The following EPB41L1 variants were observed in gnomAD, a reference collection of about 807,000 sequenced individuals.
The protein encoded by EPB41L1 is erythrocyte membrane protein band 4.1 like 1, also known as band 4.1-like protein 1.
In EPB41L1, 29 loss-of-function variants were observed where a neutral mutation model predicts 97.8. That is an observed-to-expected ratio of 0.30 (90% CI 0.22 to 0.40). EPB41L1 has a LOEUF of 0.40. Among genes scored for constraint, EPB41L1 ranks in the 10% least tolerant of loss-of-function variants. The pLI, the probability that EPB41L1 is intolerant of heterozygous loss-of-function variation, is 1.00. For missense variants in EPB41L1, 812 were observed against 1,162.3 expected (o/e 0.70, Z 4.38); for synonymous variants, 383 against 459.2 (o/e 0.83, Z 2.12).
intron 1 of EPB41L1, 50 bp from the exon 2 acceptor site, chr20:36,173,714 A>T (rs1195918864): frequency 1.9e-6 from 3 of 1,560,412 alleles, no homozygotes; most frequent in Non-Finnish European, 2.7e-6. Context: ...TCTCGCTGTC[A>T]TACCATTGCT....
intron 9 of EPB41L1, among the ~76,000 whole-genome samples, chr20:36,189,893 C>G (rs1189254971): frequency 6.6e-6 from 1 of 152,150 alleles, no homozygotes; most frequent in African/African-American, 2.4e-5. Context: ...GTCGCAGATG[C>G]CTGAGAAGAG....
At chr20:36,115,895 TATA>T (rs1466000190) in intron 2 of EPB41L1, among the ~76,000 whole-genome samples, 3 of 151,944 alleles carry the variant, frequency 2.0e-5, no homozygotes, top group South Asian at 4.2e-4. Flanking sequence ...GTCTCAAAAA[TATA>T]ATAATAATAA....
chr20:36,113,051 G>T (rs1424572341), intron 2 of EPB41L1, among the ~76,000 whole-genome samples: 1 of 152,152 alleles, frequency 6.6e-6, no homozygotes, highest in Non-Finnish European at 1.5e-5. Context: ...ACAGCTAAAG[G>T]GGTTGCAGTG....
intron 21 of EPB41L1, among the ~76,000 whole-genome samples, chr20:36,223,130 T>A (rs1244585058): frequency 1.3e-5 from 2 of 152,250 alleles, no homozygotes; most frequent in Non-Finnish European, 2.9e-5. Flanking sequence ...TCCCCTGACC[T>A]CGGGTGATCT....
Position 36,173,969 on chromosome 20 carries a change from G to C in EPB41L1, c.177+15G>C. The stretch of plus-strand genomic sequence containing the variant: ...CTGCTGAACAGGTGTGTGCCCGAGA[G>C]CATGGGCGTACCTTTCCTGCCCAGA... On this transcript the variant is annotated intron_variant, in intron 2 of 21. Transcript: ENST00000338074. 1 of 1,606,824 alleles carries C rather than the reference G, an allele frequency of 6.2e-7. No individual in the cohort carries two copies. The highest frequency in any genetic ancestry group is 8.5e-7 in the Non-Finnish European group (1 of 1,176,640).
At chr20:36,141,492 A>G (rs1241944969) in intron 2 of EPB41L1, among the ~76,000 whole-genome samples, 1 of 152,232 alleles carries the variant, frequency 6.6e-6, no homozygotes, top group African/African-American at 2.4e-5. Flanking sequence ...GTGAAACTCC[A>G]GGGAACAACT....
At chr20:36,120,256 A>T (rs2058710166) in intron 2 of EPB41L1, among the ~76,000 whole-genome samples, 1 of 152,248 alleles carries the variant, frequency 6.6e-6, no homozygotes, top group South Asian at 2.1e-4. Flanking sequence ...TTGGCAGATC[A>T]GGAAACTGAG....
chr20:36,174,572 C>CTT (rs761888628), intron 2 of EPB41L1, among the ~76,000 whole-genome samples: 10 of 141,262 alleles, frequency 7.1e-5, no homozygotes, highest in South Asian at 2.3e-4. Context: ...CATGCCTGGC[C>CTT]TTTTTTTTTT....
intron 1 of EPB41L1, among the ~76,000 whole-genome samples, chr20:36,099,754 G>C (rs908684096): frequency 2.0e-5 from 3 of 152,186 alleles, no homozygotes; most frequent in African/African-American, 7.2e-5. Flanking sequence ...CAGCTGGTCA[G>C]TGGTAATTGG....
At chr20:36,189,799 A>T (rs972793991) in intron 9 of EPB41L1, among the ~76,000 whole-genome samples, 1 of 152,166 alleles carries the variant, frequency 6.6e-6, no homozygotes, top group Admixed American at 6.5e-5. Flanking sequence ...CTTGGTCTCC[A>T]TGTATCTCTA....
chr20:36,103,742 C>T (rs1441829597), intron 1 of EPB41L1, among the ~76,000 whole-genome samples: 1 of 138,488 alleles, frequency 7.2e-6, no homozygotes, highest in Non-Finnish European at 1.5e-5. Flanking sequence ...CTCACTCTGT[C>T]GCCCAGGCTG....
At chr20:36,170,141 ATT>A (rs369888878) in intron 1 of EPB41L1, among the ~76,000 whole-genome samples, 1 of 149,428 alleles carries the variant, frequency 6.7e-6, no homozygotes, top group African/African-American at 2.5e-5. Context: ...TTCATCATAG[ATT>A]TTTTTTTTTA....
intron 1 of EPB41L1, among the ~76,000 whole-genome samples, chr20:36,109,307 C>G (rs553250684): frequency 2.6e-5 from 4 of 152,272 alleles, no homozygotes; most frequent in East Asian, 1.9e-4. Flanking sequence ...CCTGGCCACG[C>G]CCTTCACTTG....
intron 14 of EPB41L1, among the ~76,000 whole-genome samples, chr20:36,202,640 A>AAATAATAATAATAAT (rs536919167): frequency 4.7e-5 from 7 of 149,922 alleles, no homozygotes; most frequent in African/African-American, 1.7e-4. Flanking sequence ...CTAAAAATAC[A>AAATAATAATAATAAT]AATAATAATA....
At chr20:36,136,398 TG>T (rs1301686698) in intron 2 of EPB41L1, among the ~76,000 whole-genome samples, 1 of 149,784 alleles carries the variant, frequency 6.7e-6, no homozygotes, top group Non-Finnish European at 1.5e-5. Flanking sequence ...CAGGCTGATC[TG>T]GAACTCCTGG....
intron 2 of EPB41L1, among the ~76,000 whole-genome samples, chr20:36,115,050 C>CT (rs1167900071): frequency 6.6e-6 from 1 of 152,180 alleles, no homozygotes. Context: ...ATAACAATAG[C>CT]TAATGTGCAT....
intron 21 of EPB41L1, among the ~76,000 whole-genome samples, chr20:36,227,086 A>G (rs2064203434): frequency 6.6e-6 from 1 of 152,138 alleles, no homozygotes; most frequent in African/African-American, 2.4e-5. Context: ...AGGCTGAAGC[A>G]GGAGGATTAC....
intron 19 of EPB41L1, 49 bp downstream of exon 19, chr20:36,219,893 A>G: frequency 6.6e-7 from 1 of 1,514,164 alleles, no homozygotes; most frequent in Middle Eastern, 1.7e-4. Flanking sequence ...TGCAGGCGAG[A>G]AGGTCATGAC....
At chr20:36,150,988 C>T (rs2060028072), upstream of EPB41L1, 1 of 152,224 alleles carries the variant, frequency 6.6e-6, no homozygotes, top group Non-Finnish European at 1.5e-5. Context: ...AGTCAGGAGA[C>T]CACTGACTAC....
Sources: gnomAD v4.1 joint callset for allele counts (sites outside exome capture counted in the v4.1 genomes callset) on GRCh38, gnomAD v4.1.1 for gene constraint, MANE v1.5 for transcripts, NCBI Gene and HGNC (gene_info 2026-07-23, HGNC 2026-07-21) for gene names.